Variants in TGFBR3 observed in about 807,000 individuals in gnomAD.
TGFBR3 encodes the protein transforming growth factor beta receptor type 3.
Under a neutral mutation model 87.9 loss-of-function variants are expected in TGFBR3, and 46 were observed. The ratio of observed to expected loss-of-function variants is 0.52; its 90% CI spans 0.41 to 0.67. The LOEUF is 0.67. Ranked by LOEUF, TGFBR3 falls within the 30% of genes least tolerant of loss-of-function variation. The probability of loss-of-function intolerance (pLI) is 0.00; values close to 1 mark genes in which losing one functional copy is unlikely to be tolerated. For missense variants in TGFBR3, 866 were observed against 1,041.9 expected, an observed-to-expected ratio of 0.83 and a Z score of 2.32; for synonymous variants, 381 against 391.6, an observed-to-expected ratio of 0.97 and a Z score of 0.32.
chr1:91,802,906 T>C (rs1260436879), intron 2 of TGFBR3, among the ~76,000 whole-genome samples: 1 of 152,086 alleles, frequency 6.6e-6, no homozygotes. Context: ...ATTCTCTCTC[T>C]GGCCACTCAA....
intron 3 of TGFBR3, among the ~76,000 whole-genome samples, chr1:91,761,035 A>G (rs893570894): frequency 6.6e-6 from 1 of 152,262 alleles, no homozygotes; most frequent in African/African-American, 2.4e-5. Context: ...ACTGAGTACC[A>G]TAATGATGCA....
At chr1:91,871,508 TA>T (rs1455709107) in intron 1 of TGFBR3, among the ~76,000 whole-genome samples, 27 of 152,000 alleles carry the variant, frequency 1.8e-4, no homozygotes, top group Non-Finnish European at 3.8e-4. Context: ...AAATAAATAA[TA>T]TGTCAAGGCA....
chr1:91,856,258 G>A (rs917558714), intron 2 of TGFBR3, among the ~76,000 whole-genome samples: 2 of 152,034 alleles, frequency 1.3e-5, no homozygotes, highest in African/African-American at 2.4e-5. Context: ...AGTAGAGACG[G>A]GGTTTCACCG....
intron 2 of TGFBR3, among the ~76,000 whole-genome samples, chr1:91,859,504 G>T (rs374187271): frequency 6.6e-6 from 1 of 151,832 alleles, no homozygotes; most frequent in Non-Finnish European, 1.5e-5. Flanking sequence ...AGGCTAAAAG[G>T]CAAATAGCAC....
chr1:91,706,260 AGTCACAGGATGGGAGAGAAG>A, intron 14 of TGFBR3, among the ~76,000 whole-genome samples: 1 of 152,174 alleles, frequency 6.6e-6, no homozygotes, highest in East Asian at 1.9e-4. Flanking sequence ...AGGCATTCTC[AGTCACAGGATGGGAGAGAAG>A]GTCACAAGAT....
At chr1:91,744,970 G>T (rs1381656842) in intron 4 of TGFBR3, among the ~76,000 whole-genome samples, 1 of 152,210 alleles carries the variant, frequency 6.6e-6, no homozygotes, top group Admixed American at 6.5e-5. Flanking sequence ...GAAAAAGCCT[G>T]TTGAGATCTC....
intron 2 of TGFBR3, among the ~76,000 whole-genome samples, chr1:91,893,809 T>C (rs1679494053): frequency 6.6e-6 from 1 of 151,982 alleles, no homozygotes; most frequent in African/African-American, 2.4e-5. Context: ...TTTCTAAGAA[T>C]GTTTCTCTTC....
At chr1:91,695,939 T>C (rs957626618) in intron 15 of TGFBR3, among the ~76,000 whole-genome samples, 160 bp from the exon 16 acceptor site, 1 of 152,222 alleles carries the variant, frequency 6.6e-6, no homozygotes, top group African/African-American at 2.4e-5. Flanking sequence ...TTTTGTAACT[T>C]GCAAATTTTT....
intron 6 of TGFBR3, among the ~76,000 whole-genome samples, chr1:91,728,391 C>T (rs1396836065): frequency 6.6e-6 from 1 of 152,080 alleles, no homozygotes. Flanking sequence ...ATTTACTTTC[C>T]CAAACTTCTG....
intron 2 of TGFBR3, among the ~76,000 whole-genome samples, chr1:91,835,827 CAAAAAAAAAAA>C (rs57326419): frequency 1.3e-5 from 1 of 74,746 alleles, no homozygotes; most frequent in African/African-American, 4.2e-5. Context: ...GACTCCACCT[CAAAAAAAAAAA>C]AAAAAAAAAA....
In TGFBR3 at chr1:91,702,950, C is replaced by A. The variant is rs1671673615; in HGVS notation, c.2288-4820G>T. On this transcript the variant is annotated intron_variant, in intron 14 of 16. Transcript: ENST00000212355. Reference sequence around the variant, plus strand: ...ATCCCAGCTACTTAGGAGGCTGAGGCAGGAGAATCACTTGAACCCAGGAGG... The same window carrying A: ...ATCCCAGCTACTTAGGAGGCTGAGGAAGGAGAATCACTTGAACCCAGGAGG... 2.0e-5 allele frequency among the ~76,000 whole-genome samples: 3 copies of A among 152,216 alleles called. No individual in the cohort carries two copies. The South Asian group carries it at 6.2e-4, about 32-fold the overall frequency.
intron 1 of TGFBR3, among the ~76,000 whole-genome samples, chr1:91,864,482 C>T (rs1029568037): frequency 4.6e-5 from 7 of 152,240 alleles, no homozygotes; most frequent in Non-Finnish European, 1.0e-4. Context: ...TGAAACTACA[C>T]ACTGCTGTTT....
intron 2 of TGFBR3, among the ~76,000 whole-genome samples, chr1:91,830,322 T>C (rs535442707): frequency 6.6e-6 from 1 of 152,302 alleles, no homozygotes; most frequent in South Asian, 2.1e-4. Flanking sequence ...AAGGGCAGAA[T>C]ACTTCCTGGC....
chr1:91,712,106 T>G (rs11165300), intron 13 of TGFBR3, 137 bp downstream of exon 13: 163,919 of 784,952 alleles, frequency 0.21, 18,252 homozygotes, highest in Non-Finnish European at 0.24. Context: ...CACAGTTCCC[T>G]GCTAATAGTG....
chr1:91,900,650 C>A (rs1570349884), intron 1 of TGFBR3, among the ~76,000 whole-genome samples: 1 of 152,308 alleles, frequency 6.6e-6, no homozygotes. Context: ...ATATTCTTGA[C>A]TCACTCTTTT....
At position 91,776,329 on chromosome 1, in the gene TGFBR3, A is replaced by T. The variant is rs1191719966; in HGVS notation, c.247-17579T>A. Among the ~76,000 whole-genome samples, 3 of 152,226 alleles carry T rather than the reference A, an allele frequency of 2.0e-5. No individual in the cohort carries two copies. In the East Asian group the frequency reaches 5.8e-4, roughly 29 times the overall value. On this transcript the variant is annotated intron_variant, in intron 3 of 16. Transcript: ENST00000212355. ...TGGCACTGTGCCTGACACATTACAA[A>T]CAGGTGCTTAATAAATAATGATTTC... is the stretch of plus-strand genomic sequence containing the variant.
intron 9 of TGFBR3, 21 bp downstream of exon 9, chr1:91,719,872 C>A: frequency 6.2e-7 from 1 of 1,613,568 alleles, no homozygotes; most frequent in South Asian, 1.1e-5. Context: ...TCTCTTCCCT[C>A]CTGTAATCAG....
chr1:91,723,131 A>G (rs552188263), intron 7 of TGFBR3, among the ~76,000 whole-genome samples: 92 of 152,310 alleles, frequency 6.0e-4, no homozygotes, highest in African/African-American at 2.1e-3. Context: ...TAATTAATTT[A>G]GGTTACTCTC....
At chr1:91,851,475 G>A (rs935769243) in intron 2 of TGFBR3, among the ~76,000 whole-genome samples, 6 of 152,264 alleles carry the variant, frequency 3.9e-5, no homozygotes, top group Admixed American at 6.5e-5. Context: ...TTGCTGGCAC[G>A]CTTCCCGGAA....
Sources: gnomAD v4.1 joint callset for allele counts (sites outside exome capture counted in the v4.1 genomes callset) on GRCh38, gnomAD v4.1.1 for gene constraint, MANE v1.5 for transcripts, NCBI Gene and HGNC (gene_info 2026-07-23, HGNC 2026-07-21) for gene names.